The following TRIM2 variants were observed in gnomAD, a reference collection of about 807,000 sequenced individuals.
TRIM2 encodes the protein tripartite motif containing 2.
A neutral mutation model predicts 75.2 loss-of-function variants in TRIM2; 20 were observed. The ratio of observed to expected loss-of-function variants is 0.27; its 90% CI spans 0.19 to 0.39. TRIM2 has a LOEUF of 0.39. Ranked by LOEUF, TRIM2 falls within the 10% of genes least tolerant of loss-of-function variation. The pLI is 1.00. For missense variants in TRIM2, 660 were observed against 990.8 expected, an observed-to-expected ratio of 0.67 and a Z score of 4.48; for synonymous variants, 373 against 388.3, an observed-to-expected ratio of 0.96 and a Z score of 0.46.
At chr4:153,298,397 T>C (rs1454158920) in intron 6 of TRIM2, among the ~76,000 whole-genome samples, 1 of 152,084 alleles carries the variant, frequency 6.6e-6, no homozygotes, top group Non-Finnish European at 1.5e-5. Context: ...CTGAGGCCTC[T>C]GTCCTTGCAG....
intron 3 of TRIM2, among the ~76,000 whole-genome samples, chr4:153,277,255 C>T (rs771169499): frequency 6.6e-5 from 10 of 152,170 alleles, no homozygotes; most frequent in Non-Finnish European, 2.9e-5. Flanking sequence ...CTTTATGTGG[C>T]GAGCTTATTC....
intron 1 of TRIM2, among the ~76,000 whole-genome samples, chr4:153,226,583 T>C (rs752356624): frequency 7.9e-5 from 12 of 152,248 alleles, no homozygotes; most frequent in Non-Finnish European, 1.5e-4. Context: ...TGTCTGCTGT[T>C]TGAGGGACGC....
chr4:153,215,940 A>G (rs1339036500), intron 1 of TRIM2, among the ~76,000 whole-genome samples: 1 of 152,206 alleles, frequency 6.6e-6, no homozygotes, highest in Non-Finnish European at 1.5e-5. Context: ...AGTTCAAAAA[A>G]CTTTTTTGCC....
intron 1 of TRIM2, among the ~76,000 whole-genome samples, chr4:153,153,517 G>A (rs1728926980): frequency 6.6e-6 from 1 of 152,216 alleles, no homozygotes; most frequent in African/African-American, 2.4e-5. Flanking sequence ...GCTTGGAACC[G>A]CCCTATGCTT....
chr4:153,198,322 A>G (rs956427162), intron 1 of TRIM2, among the ~76,000 whole-genome samples: 9 of 152,134 alleles, frequency 5.9e-5, no homozygotes, highest in African/African-American at 2.2e-4. Context: ...TAATTGAATC[A>G]TGGAGGTTGG....
At chr4:153,280,718 TC>T (rs1759135790) in intron 3 of TRIM2, among the ~76,000 whole-genome samples, 2 of 150,762 alleles carry the variant, frequency 1.3e-5, no homozygotes, top group African/African-American at 4.9e-5. Context: ...GGAGTCTCGC[TC>T]TGTTGCCCAG....
chr4:153,286,371 A>AT (rs900392682), intron 3 of TRIM2, among the ~76,000 whole-genome samples: 15 of 151,078 alleles, frequency 9.9e-5, no homozygotes, highest in East Asian at 1.9e-4. Context: ...AATCTCTTCT[A>AT]TTTTTTTTTA....
intron 1 of TRIM2, among the ~76,000 whole-genome samples, chr4:153,208,565 T>C (rs1014816948): frequency 6.6e-6 from 1 of 152,120 alleles, no homozygotes; most frequent in African/African-American, 2.4e-5. Context: ...GACCAGAACA[T>C]AGGTCAAACA....
At chr4:153,168,108 G>T (rs78720786) in intron 1 of TRIM2, among the ~76,000 whole-genome samples, 5 of 145,610 alleles carry the variant, frequency 3.4e-5, no homozygotes, top group Non-Finnish European at 6.1e-5. Context: ...AATTTACAAA[G>T]GTGTCTGTAC....
intron 6 of TRIM2, among the ~76,000 whole-genome samples, chr4:153,304,746 C>G (rs1374428696): frequency 2.0e-5 from 3 of 152,184 alleles, no homozygotes; most frequent in Admixed American, 6.5e-5. Context: ...ACTGCTCTTA[C>G]AGAATTAGAA....
intron 11 of TRIM2, among the ~76,000 whole-genome samples, chr4:153,329,981 C>A (rs1771106466): frequency 6.6e-6 from 1 of 151,844 alleles, no homozygotes; most frequent in Admixed American, 6.6e-5. Flanking sequence ...AGAAAAGACA[C>A]AAAATACTAA....
intron 1 of TRIM2, chr4:153,265,876 T>C (rs1278664950): frequency 6.6e-6 from 1 of 152,230 alleles, no homozygotes; most frequent in Non-Finnish European, 1.5e-5. Context: ...TTTTACTGAA[T>C]GACCTTGGGC....
chr4:153,184,863 T>C (rs1732433503), intron 1 of TRIM2, among the ~76,000 whole-genome samples: 1 of 152,142 alleles, frequency 6.6e-6, no homozygotes, highest in African/African-American at 2.4e-5. Flanking sequence ...TGGTGACACA[T>C]TTCCATCTGG....
At chr4:153,226,483 GAAA>G (rs1459408761) in intron 1 of TRIM2, among the ~76,000 whole-genome samples, 1 of 152,224 alleles carries the variant, frequency 6.6e-6, no homozygotes, top group African/African-American at 2.4e-5. Context: ...GCAATTTGTA[GAAA>G]TATGCTGCAG....
chr4:153,213,386 C>T (rs995210694), intron 1 of TRIM2, among the ~76,000 whole-genome samples: 4 of 152,124 alleles, frequency 2.6e-5, no homozygotes, highest in Non-Finnish European at 5.9e-5. Flanking sequence ...ACAAATAATA[C>T]AGCAATGAAT....
At chr4:153,228,886 C>A (rs1742870864) in intron 1 of TRIM2, among the ~76,000 whole-genome samples, 2 of 152,168 alleles carry the variant, frequency 1.3e-5, no homozygotes, top group African/African-American at 4.8e-5. Flanking sequence ...ATCCTTTTCC[C>A]CCCACAAATG....
At chr4:153,159,658 G>A (rs1729567703) in intron 1 of TRIM2, among the ~76,000 whole-genome samples, 1 of 151,812 alleles carries the variant, frequency 6.6e-6, no homozygotes, top group Admixed American at 6.6e-5. Flanking sequence ...CTTCTCTCTT[G>A]TGCTTGTAAC....
At chr4:153,157,113 C>G (rs1298188508) in intron 1 of TRIM2, 1 of 152,280 alleles carries the variant, frequency 6.6e-6, no homozygotes, top group Non-Finnish European at 1.5e-5. Context: ...GGCACTTACT[C>G]CAGTGCTGAT....
chr4:153,284,457 G>A (rs1426572649), intron 3 of TRIM2, among the ~76,000 whole-genome samples: 2 of 152,106 alleles, frequency 1.3e-5, no homozygotes, highest in African/African-American at 4.8e-5. Flanking sequence ...GCCAGCCTTG[G>A]CCTCCCAAAG....
Sources: allele counts gnomAD v4.1 joint callset (sites outside exome capture counted in the v4.1 genomes callset), GRCh38; gene constraint gnomAD v4.1.1; transcripts MANE v1.5; gene names NCBI Gene and HGNC (gene_info 2026-07-23, HGNC 2026-07-21).